Variants in HIP1 observed in about 807,000 individuals in gnomAD.
HIP1 encodes the protein huntingtin interacting protein 1.
In HIP1, 65 loss-of-function variants were observed where a neutral mutation model predicts 147.6. The ratio of observed to expected loss-of-function variants is 0.44; its 90% CI spans 0.36 to 0.54. HIP1 has a LOEUF of 0.54. Ranked by LOEUF, HIP1 falls within the 20% of genes least tolerant of loss-of-function variation. HIP1 has a pLI of 0.00. For missense variants in HIP1, 1,061 were observed against 1,299.6 expected, an observed-to-expected ratio of 0.82 and a Z score of 2.82; for synonymous variants, 479 against 504.0, an observed-to-expected ratio of 0.95 and a Z score of 0.67.
intron 27 of HIP1, among the ~76,000 whole-genome samples, chr7:75,544,389 A>G (rs919129976): frequency 1.3e-5 from 2 of 151,708 alleles, no homozygotes; most frequent in Non-Finnish European, 2.9e-5. Context: ...CTAACCAAGT[A>G]CCATCTAACC....
chr7:75,725,205 T>C (rs1004467985), intron 1 of HIP1, among the ~76,000 whole-genome samples: 1 of 152,060 alleles, frequency 6.6e-6, no homozygotes, highest in Non-Finnish European at 1.5e-5. Flanking sequence ...AAAAATCTTT[T>C]TGTAGAGACA....
chr7:75,684,147 C>CA (rs367935404), intron 1 of HIP1, among the ~76,000 whole-genome samples: 1 of 151,622 alleles, frequency 6.6e-6, no homozygotes, highest in East Asian at 1.9e-4. Flanking sequence ...CTATATTAAA[C>CA]AAAAAACCAC....
intron 8 of HIP1, among the ~76,000 whole-genome samples, chr7:75,572,068 C>CA: frequency 6.6e-6 from 1 of 152,034 alleles, no homozygotes; most frequent in Middle Eastern, 3.4e-3. Context: ...ACAACAACAA[C>CA]AAAAAATTAG....
chr7:75,706,590 G>A (rs1159117997), intron 1 of HIP1, among the ~76,000 whole-genome samples: 1 of 140,224 alleles, frequency 7.1e-6, no homozygotes, highest in Non-Finnish European at 1.5e-5. Flanking sequence ...GTATACACGT[G>A]CCATGTTGGT....
At position 75,542,840 on chromosome 7, in the gene HIP1, G is replaced by A; in HGVS notation, c.2890+11C>T. On this transcript the variant is annotated intron_variant, in intron 28 of 30. Coordinates refer to ENST00000336926, the MANE Select transcript of HIP1 (RefSeq NM_005338.7). ...GGGTGGGTAAGAAAAGGGTCCCTTT[G>A]GAAAGGCTACCTGTCTCTTCGATCT... is the stretch of plus-strand genomic sequence containing the variant. The A allele has an allele frequency of 6.2e-7, 1 of 1,613,736 alleles. No homozygotes were observed. Among genetic ancestry groups the A allele is most frequent in the Non-Finnish European group, 8.5e-7 (1 of 1,179,808 alleles).
intron 1 of HIP1, chr7:75,611,856 C>T: frequency 9.8e-7 from 1 of 1,022,304 alleles, no homozygotes; most frequent in South Asian, 4.6e-5. Context: ...GCAGGCACCG[C>T]AGGAAGGGCG....
At chr7:75,652,337 T>C (rs1294956109) in intron 1 of HIP1, among the ~76,000 whole-genome samples, 1 of 150,700 alleles carries the variant, frequency 6.6e-6, no homozygotes, top group African/African-American at 2.4e-5. Context: ...AAAACCACTA[T>C]ATGTATGTTA....
intron 2 of HIP1, among the ~76,000 whole-genome samples, chr7:75,595,251 T>TCTTC (rs1554501696): frequency 0.011 from 645 of 59,414 alleles, 18 homozygotes; most frequent in Middle Eastern, 0.038. Context: ...TTTCTTTCTT[T>TCTTC]CTTCCTTCCT....
At chr7:75,646,405 G>C (rs1328746048) in intron 1 of HIP1, among the ~76,000 whole-genome samples, 3 of 152,204 alleles carry the variant, frequency 2.0e-5, no homozygotes, top group Non-Finnish European at 2.9e-5. Flanking sequence ...TAAATCTAAT[G>C]AGCAGCTGTG....
At chr7:75,600,070 C>T (rs1796918688) in intron 1 of HIP1, among the ~76,000 whole-genome samples, 2 of 151,400 alleles carry the variant, frequency 1.3e-5, no homozygotes, top group East Asian at 1.9e-4. Flanking sequence ...GAGATCCTGA[C>T]CTCAGGTGAT....
intron 2 of HIP1, among the ~76,000 whole-genome samples, chr7:75,595,323 C>G (rs1796701108): frequency 7.0e-6 from 1 of 143,484 alleles, no homozygotes; most frequent in Admixed American, 7.1e-5. Context: ...CCTTCCCTCC[C>G]TCTCTCTCTC....
chr7:75,589,550 G>A (rs1398785260), intron 4 of HIP1, among the ~76,000 whole-genome samples: 2 of 151,706 alleles, frequency 1.3e-5, no homozygotes, highest in African/African-American at 4.8e-5. Flanking sequence ...TGGGTGTGGT[G>A]GTAGGCACTG....
chr7:75,607,215 A>AG (rs1797256342), intron 1 of HIP1, among the ~76,000 whole-genome samples: 1 of 149,664 alleles, frequency 6.7e-6, no homozygotes, highest in African/African-American at 2.5e-5. Context: ...CAAAAAAAAA[A>AG]GAGTTGTTTT....
intron 1 of HIP1, among the ~76,000 whole-genome samples, chr7:75,732,978 G>A (rs1049641140): frequency 4.6e-5 from 7 of 152,122 alleles, no homozygotes; most frequent in African/African-American, 7.2e-5. Flanking sequence ...CCCCAGAGCC[G>A]GTCTCTTTAT....
intron 1 of HIP1, among the ~76,000 whole-genome samples, chr7:75,722,604 C>G (rs1361494481): frequency 6.6e-6 from 1 of 152,160 alleles, no homozygotes; most frequent in African/African-American, 2.4e-5. Context: ...ATGCGGCAGG[C>G]CTACCCTGGG....
chr7:75,735,137 T>G (rs1801976050), intron 1 of HIP1, among the ~76,000 whole-genome samples: 1 of 152,224 alleles, frequency 6.6e-6, no homozygotes, highest in Admixed American at 6.5e-5. Context: ...GTATTATGTT[T>G]ATTTGACAAT....
At chr7:75,576,311 AC>A (rs1795844138) in intron 7 of HIP1, among the ~76,000 whole-genome samples, 1 of 152,198 alleles carries the variant, frequency 6.6e-6, no homozygotes, top group African/African-American at 2.4e-5. Flanking sequence ...GGTTAGGATC[AC>A]CTGGGGAAAC....
chr7:75,649,921 T>A (rs1326954660), intron 1 of HIP1, among the ~76,000 whole-genome samples: 1 of 152,176 alleles, frequency 6.6e-6, no homozygotes, highest in East Asian at 1.9e-4. Flanking sequence ...CTCCTGACAC[T>A]GCTGTTCCCC....
At chr7:75,600,419 ACT>A (rs1796931904) in intron 1 of HIP1, among the ~76,000 whole-genome samples, 1 of 151,898 alleles carries the variant, frequency 6.6e-6, no homozygotes, top group South Asian at 2.1e-4. Context: ...CCAAATCATA[ACT>A]CTTTTTAATT....
Sources: gnomAD v4.1 joint callset for allele counts (sites outside exome capture counted in the v4.1 genomes callset) on GRCh38, gnomAD v4.1.1 for gene constraint, MANE v1.5 for transcripts, NCBI Gene and HGNC (gene_info 2026-07-23, HGNC 2026-07-21) for gene names.